Variants in G0S2 observed in about 807,000 individuals in gnomAD.
G0S2 encodes the protein G0/G1 switch 2, also known as G0/G1 switch protein 2.
For synonymous variants in G0S2, 64 were observed against 66.0 expected (o/e 0.97, Z 0.15); for missense variants, 139 against 139.1 (o/e 1.00, Z 0.00).
Position 209,675,533 on chromosome 1 carries a change from C to G in G0S2, c.-49C>G, listed in dbSNP as rs978436975. ...ACTGCAGCTCGCGCTGCCTCCTGCT[C>G]GCGCCGTGCCACTAAGGTAGTCCGC... is the stretch of plus-strand genomic sequence containing the variant. On this transcript the variant is annotated 5_prime_UTR_variant, in exon 1 of 2. Coordinates refer to ENST00000367029, the MANE Select transcript of G0S2 (RefSeq NM_015714.4). This position sits in a 1 kb window ranked among gnomAD's most constrained non-coding sequence, Gnocchi z 5.4. The G allele has an allele frequency of 1.6e-6, 1 of 613,000 alleles. No individual in the cohort carries two copies. The highest frequency in any genetic ancestry group is 2.9e-6 in the Non-Finnish European group (1 of 345,026). The allele number at this position is 613,000 out of a possible 1,614,324, so 38.0% of individuals were successfully genotyped here.
Position 209,675,679 on chromosome 1 carries a change from G to A in G0S2, c.-6G>A, listed in dbSNP as rs1411814177. 1.3e-6 allele frequency: 2 copies of A among 1,578,842 alleles called. No individual in the cohort carries two copies. The highest frequency in any genetic ancestry group is 1.7e-4 in the Middle Eastern group (1 of 6,056). On this transcript the variant is annotated 5_prime_UTR_variant, in exon 2 of 2. Transcript: ENST00000367029. This position sits in a 1 kb window ranked among gnomAD's most constrained non-coding sequence, Gnocchi z 5.4. Reference sequence around the variant, plus strand: ...TCATTCCCGCCTCCGAGAGCCCAGAGCCGAGATGGAAACGGTCCAGGAGCT... The same window carrying A: ...TCATTCCCGCCTCCGAGAGCCCAGAACCGAGATGGAAACGGTCCAGGAGCT...
Position 209,675,473 on chromosome 1 carries a change from G to A in G0S2, c.-109G>A, listed in dbSNP as rs566701786. ...CTGCCGAGAGGAGGAGAACGCTGAG[G>A]TCGGTCGGACCAACGGACGCGCTGA... On this transcript the variant is annotated 5_prime_UTR_variant, in exon 1 of 2. Transcript: ENST00000367029. The surrounding 1 kb of genome is among the most constrained non-coding windows in gnomAD (Gnocchi z 5.4). The A allele has an allele frequency of 8.1e-4, 467 of 579,738 alleles. No homozygotes were observed. Among genetic ancestry groups the A allele is most frequent in the Non-Finnish European group, 1.2e-3 (407 of 325,688 alleles). 35.9% of individuals were successfully genotyped at this position (579,738 alleles called of 1,614,324 possible).
chr1:209,675,430 C>T lies in G0S2; in HGVS notation c.-152C>T. ...AAAGCGGTGCCAGCGGCGGAGTCTC[C>T]AACTGGGAGAGCTGCAGCTGCCGAG... is the stretch of plus-strand genomic sequence containing the variant. On this transcript the variant is annotated 5_prime_UTR_variant, in exon 1 of 2. Coordinates refer to ENST00000367029, the MANE Select transcript of G0S2 (RefSeq NM_015714.4). The surrounding 1 kb of genome is among the most constrained non-coding windows in gnomAD (Gnocchi z 5.4). 1.8e-6 allele frequency: 1 copy of T among 549,386 alleles called. No homozygotes were observed. Among genetic ancestry groups the T allele is most frequent in the Non-Finnish European group, 3.2e-6 (1 of 310,770 alleles). 34.0% of individuals were successfully genotyped at this position (549,386 alleles called of 1,614,324 possible). A position where few individuals can be genotyped will look rare whatever the true frequency, so the allele number is the denominator to read the frequency against.
At position 209,676,148 on chromosome 1, in the gene G0S2, T is replaced by G; in HGVS notation, c.*152T>G. On this transcript the variant is annotated 3_prime_UTR_variant, in exon 2 of 2. Coordinates refer to ENST00000367029, the MANE Select transcript of G0S2 (RefSeq NM_015714.4). ...TGCTGTTTTTTATTTGGACTTAACTTCAGAGAAACCGCTGACATCTAGAAC... is the reference window on the plus strand; with the variant it reads ...TGCTGTTTTTTATTTGGACTTAACTGCAGAGAAACCGCTGACATCTAGAAC... 1 of 600,908 alleles carries G rather than the reference T, an allele frequency of 1.7e-6. No individual in the cohort carries two copies. Among genetic ancestry groups the G allele is most frequent in the Non-Finnish European group, 2.9e-6 (1 of 344,004 alleles). 37.2% of individuals were successfully genotyped at this position (600,908 alleles called of 1,614,324 possible).
rs1210276356 is a variant in G0S2, at chr1:209,675,493, C to T, written c.-89C>T. ...CTGAGGTCGGTCGGACCAACGGACG[C>T]GCTGACCGCTGCCAACTGCAGCTCG... On this transcript the variant is annotated 5_prime_UTR_variant, in exon 1 of 2. Coordinates refer to ENST00000367029, the MANE Select transcript of G0S2 (RefSeq NM_015714.4). This position sits in a 1 kb window ranked among gnomAD's most constrained non-coding sequence, Gnocchi z 5.4. The T allele has an allele frequency of 8.6e-6, 5 of 584,258 alleles. 1 individual carries two copies. The South Asian group carries it at 1.0e-4, about 12-fold the overall frequency. 36.2% of individuals were successfully genotyped at this position (584,258 alleles called of 1,614,324 possible). A position where few individuals can be genotyped will look rare whatever the true frequency, so the allele number is the denominator to read the frequency against.
chr1:209,675,753 G>T lies in G0S2; in HGVS notation c.69G>T (p.Met23Ile). Residue 23 changes from methionine (M) to isoleucine (I), a missense_variant, in exon 2 of 2, where the codon ATG becomes ATT. Met to Ile is a conservative substitution (Grantham distance 10). Transcript: ENST00000367029. This position sits in a 1 kb window ranked among gnomAD's most constrained non-coding sequence, Gnocchi z 5.4. ...TGGCCCAGAAGCGCAAGGGGAAGAT[G>T]GTGAAGCTGTACGTGCTGGGCAGCG... ...EMMAQKRKGKMVKLYVLGSVL... is the reference protein window; with the variant it reads ...EMMAQKRKGKIVKLYVLGSVL... 6.2e-7 allele frequency: 1 copy of T among 1,604,656 alleles called. No individual in the cohort carries two copies. The highest frequency in any genetic ancestry group is 8.5e-7 in the Non-Finnish European group (1 of 1,175,278).
At position 209,675,963 on chromosome 1, in the gene G0S2, C is replaced by A. The variant is rs1402736888; in HGVS notation, c.279C>A (p.Gly93=). The change falls in exon 2 of 2, where the codon GGC becomes GGA. Residue 93 remains glycine (G), a synonymous_variant. Coordinates refer to ENST00000367029, the MANE Select transcript of G0S2 (RefSeq NM_015714.4). The surrounding 1 kb of genome is among the most constrained non-coding windows in gnomAD (Gnocchi z 5.4). ...KGKQQDTVLG[G]RALSNRQHAS is the part of the protein sequence containing the mutation. ...AGCAGCAGGACACGGTCCTCGGCGG[C>A]CGGGCCCTGTCCAACCGGCAGCACG... is the stretch of plus-strand genomic sequence containing the variant. The A allele has an allele frequency of 2.6e-6, 4 of 1,555,996 alleles. No homozygotes were observed. In the African/African-American group the frequency reaches 5.4e-5, roughly 21 times the overall value.
rs370237791 is a variant in G0S2, at chr1:209,675,791, T to C, written c.107T>C (p.Phe36Ser). The C allele has an allele frequency of 9.0e-5, 144 of 1,602,428 alleles. No individual in the cohort carries two copies. The highest frequency in any genetic ancestry group is 1.2e-4 in the Non-Finnish European group (139 of 1,174,556). The change falls in exon 2 of 2, where the codon TTC becomes TCC. Residue 36 changes from phenylalanine to serine, a missense_variant. Phe to Ser is a radical substitution (Grantham distance 155). Transcript: ENST00000367029. This position sits in a 1 kb window ranked among gnomAD's most constrained non-coding sequence, Gnocchi z 5.4. ...LYVLGSVLAL[F>S]GVVLGLMETV... The stretch of plus-strand genomic sequence containing the variant: ...GTGCTGGGCAGCGTGCTGGCCCTCT[T>C]CGGCGTGGTGCTCGGCCTGATGGAG...
Position 209,675,437 on chromosome 1 carries a change from G to A in G0S2, c.-145G>A, listed in dbSNP as rs759418977. Reference sequence around the variant, plus strand: ...TGCCAGCGGCGGAGTCTCCAACTGGGAGAGCTGCAGCTGCCGAGAGGAGGA... The same window carrying A: ...TGCCAGCGGCGGAGTCTCCAACTGGAAGAGCTGCAGCTGCCGAGAGGAGGA... On this transcript the variant is annotated 5_prime_UTR_variant, in exon 1 of 2. Transcript: ENST00000367029. This position sits in a 1 kb window ranked among gnomAD's most constrained non-coding sequence, Gnocchi z 5.4. 7.6e-5 allele frequency: 42 copies of A among 554,612 alleles called. No homozygotes were observed. The highest frequency in any genetic ancestry group is 1.2e-4 in the Non-Finnish European group (38 of 313,678). 34.4% of individuals were successfully genotyped at this position (554,612 alleles called of 1,614,324 possible).
At position 209,675,864 on chromosome 1, in the gene G0S2, G is replaced by C. The variant is rs750664680; in HGVS notation, c.180G>C (p.Glu60Asp). The change falls in exon 2 of 2, where the codon GAG becomes GAC. Residue 60 changes from glutamate to aspartate, a missense_variant. Glu to Asp is a conservative substitution (Grantham distance 45). Coordinates refer to ENST00000367029, the MANE Select transcript of G0S2 (RefSeq NM_015714.4). This position sits in a 1 kb window ranked among gnomAD's most constrained non-coding sequence, Gnocchi z 5.4. ...CCGCCAGACGTCTGCGGGACCAGGA[G>C]GCAGCCGTGGCGGAGCTGCAGGCCG... ...FTAARRLRDQ[E>D]AAVAELQAAL... 1.2e-6 allele frequency: 2 copies of C among 1,600,198 alleles called. No homozygotes were observed. The highest frequency in any genetic ancestry group is 2.2e-5 in the South Asian group (2 of 89,158).
At position 209,675,816 on chromosome 1, in the gene G0S2, G is replaced by C. The variant is rs1464929161; in HGVS notation, c.132G>C (p.Glu44Asp). Residue 44 changes from glutamate (E) to aspartate (D), a missense_variant, in exon 2 of 2, where the codon GAG (glutamate) becomes GAC (aspartate). Physicochemically the swap from Glu to Asp is conservative, Grantham distance 45 (BLOSUM62 2). Transcript: ENST00000367029. The surrounding 1 kb of genome is among the most constrained non-coding windows in gnomAD (Gnocchi z 5.4). ...TCGGCGTGGTGCTCGGCCTGATGGA[G>C]ACTGTGTGCAGCCCCTTCACGGCCG... ...ALFGVVLGLMETVCSPFTAAR... is the reference protein window; with the variant it reads ...ALFGVVLGLMDTVCSPFTAAR... The C allele has an allele frequency of 6.2e-7, 1 of 1,602,064 alleles. No individual in the cohort carries two copies.
rs949642013 is a variant in G0S2, at chr1:209,675,565, A to G, written c.-33+16A>G. The G allele has an allele frequency of 7.2e-6, 5 of 691,434 alleles. No individual in the cohort carries two copies. The highest frequency in any genetic ancestry group is 2.8e-5 in the Admixed American group (1 of 35,448). 42.8% of individuals were successfully genotyped at this position (691,434 alleles called of 1,614,324 possible). On this transcript the variant is annotated intron_variant, in intron 1 of 1. Coordinates refer to ENST00000367029, the MANE Select transcript of G0S2 (RefSeq NM_015714.4). This position sits in a 1 kb window ranked among gnomAD's most constrained non-coding sequence, Gnocchi z 5.4. ...TGCCACTAAGGTAGTCCGCCTTTCT[A>G]TGAGCCCTCCCCAAGATTAGCTGGG... is the stretch of plus-strand genomic sequence containing the variant.
rs1289498055 is a variant in G0S2, at chr1:209,675,907, C to T, written c.223C>T (p.Leu75Phe). 7 of 1,605,788 alleles carry T rather than the reference C, an allele frequency of 4.4e-6. No homozygotes were observed. Among genetic ancestry groups the T allele is most frequent in the Non-Finnish European group, 6.0e-6 (7 of 1,174,904 alleles). Reference sequence around the variant, plus strand: ...GCAGGCCGCCCTGGAGCGACAGGCTCTCCAGAAGCAAGCCCTGCAGGAGAA... The same window carrying T: ...GCAGGCCGCCCTGGAGCGACAGGCTTTCCAGAAGCAAGCCCTGCAGGAGAA... The part of the protein sequence containing the change: ...ELQAALERQA[L>F]QKQALQEKGK... Residue 75 changes from leucine to phenylalanine, a missense_variant, in exon 2 of 2, where the codon CTC (leucine) becomes TTC (phenylalanine). Transcript: ENST00000367029. This position sits in a 1 kb window ranked among gnomAD's most constrained non-coding sequence, Gnocchi z 5.4.
In G0S2 at chr1:209,676,033, A is replaced by C. The variant is rs771959330; in HGVS notation, c.*37A>C. On this transcript the variant is annotated 3_prime_UTR_variant, in exon 2 of 2. Coordinates refer to ENST00000367029, the MANE Select transcript of G0S2 (RefSeq NM_015714.4). ...GACCAGCGGAGTGGGAGGGAGACGC[A>C]GTAGACAGAGACAGACCGAGAGAGG... The C allele has an allele frequency of 1.4e-6, 2 of 1,453,296 alleles. No individual in the cohort carries two copies. The highest frequency in any genetic ancestry group is 1.8e-6 in the Non-Finnish European group (2 of 1,082,496). The allele number at this position is 1,453,296 out of a possible 1,614,324, so 90.0% of individuals were successfully genotyped here. A position where few individuals can be genotyped will look rare whatever the true frequency, so the allele number is the denominator to read the frequency against.
Position 209,675,472 on chromosome 1 carries a change from G to C in G0S2, c.-110G>C, listed in dbSNP as rs1038164712. The stretch of plus-strand genomic sequence containing the variant: ...GCTGCCGAGAGGAGGAGAACGCTGA[G>C]GTCGGTCGGACCAACGGACGCGCTG... On this transcript the variant is annotated 5_prime_UTR_variant, in exon 1 of 2. Transcript: ENST00000367029. The surrounding 1 kb of genome is among the most constrained non-coding windows in gnomAD (Gnocchi z 5.4). 2 of 579,940 alleles carry C rather than the reference G, an allele frequency of 3.4e-6. No individual in the cohort carries two copies. Among genetic ancestry groups the C allele is most frequent in the Non-Finnish European group, 6.1e-6 (2 of 325,852 alleles). The allele number at this position is 579,940 out of a possible 1,614,324, so 35.9% of individuals were successfully genotyped here.
Position 209,676,075 on chromosome 1 carries a change from G to C in G0S2, c.*79G>C. ...CGAGAGAGGAATGGAGAGACAGAGG[G>C]GGCGCGCGCACAGGAGCCTGACTCC... On this transcript the variant is annotated 3_prime_UTR_variant, in exon 2 of 2. Transcript: ENST00000367029. 8.7e-7 allele frequency: 1 copy of C among 1,149,468 alleles called. No homozygotes were observed. Among genetic ancestry groups the C allele is most frequent in the South Asian group, 1.6e-5 (1 of 61,566 alleles). The allele number at this position is 1,149,468 out of a possible 1,614,324, so 71.2% of individuals were successfully genotyped here. A position where few individuals can be genotyped will look rare whatever the true frequency, so the allele number is the denominator to read the frequency against.
chr1:209,675,774 C>A lies in G0S2; in HGVS notation c.90C>A (p.Gly30=). Reference sequence around the variant, plus strand: ...AGATGGTGAAGCTGTACGTGCTGGGCAGCGTGCTGGCCCTCTTCGGCGTGG... The same window carrying A: ...AGATGGTGAAGCTGTACGTGCTGGGAAGCGTGCTGGCCCTCTTCGGCGTGG... ...KGKMVKLYVL[G]SVLALFGVVL... Residue 30 remains glycine (G), a synonymous_variant, in exon 2 of 2, where the codon GGC becomes GGA. Coordinates refer to ENST00000367029, the MANE Select transcript of G0S2 (RefSeq NM_015714.4). The surrounding 1 kb of genome is among the most constrained non-coding windows in gnomAD (Gnocchi z 5.4). 1 of 1,603,908 alleles carries A rather than the reference C, an allele frequency of 6.2e-7. No individual in the cohort carries two copies. Among genetic ancestry groups the A allele is most frequent in the Non-Finnish European group, 8.5e-7 (1 of 1,175,004 alleles).
In G0S2 at chr1:209,675,810, G is replaced by A. The variant is rs1199606570; in HGVS notation, c.126G>A (p.Leu42=). 1 of 1,601,984 alleles carries A rather than the reference G, an allele frequency of 6.2e-7. No individual in the cohort carries two copies. Among genetic ancestry groups the A allele is most frequent in the Non-Finnish European group, 8.5e-7 (1 of 1,174,412 alleles). ...CCCTCTTCGGCGTGGTGCTCGGCCT[G>A]ATGGAGACTGTGTGCAGCCCCTTCA... ...VLALFGVVLG[L]METVCSPFTA... The change falls in exon 2 of 2, where the codon CTG becomes CTA. Residue 42 remains leucine, a synonymous_variant. Transcript: ENST00000367029. This position sits in a 1 kb window ranked among gnomAD's most constrained non-coding sequence, Gnocchi z 5.4.
chr1:209,675,899 G>T lies in G0S2; in HGVS notation c.215G>T (p.Arg72Leu), dbSNP rs143745964. ...AVAELQAALERQALQKQALQE... is the reference protein window; with the variant it reads ...AVAELQAALELQALQKQALQE... ...GCGGAGCTGCAGGCCGCCCTGGAGC[G>T]ACAGGCTCTCCAGAAGCAAGCCCTG... The change falls in exon 2 of 2, where the codon CGA becomes CTA. Residue 72 changes from arginine (R) to leucine (L), a missense_variant. Physicochemically the swap from Arg to Leu is moderately radical, Grantham distance 102 (BLOSUM62 -2). Coordinates refer to ENST00000367029, the MANE Select transcript of G0S2 (RefSeq NM_015714.4). This position sits in a 1 kb window ranked among gnomAD's most constrained non-coding sequence, Gnocchi z 5.4. 1.2e-6 allele frequency: 2 copies of T among 1,606,608 alleles called. No individual in the cohort carries two copies. Among genetic ancestry groups the T allele is most frequent in the Non-Finnish European group, 1.7e-6 (2 of 1,176,042 alleles).
Sources: gnomAD v4.1 joint callset for allele counts on GRCh38, gnomAD v4.1.1 for gene constraint, Gnocchi (gnomAD v3.1) non-coding constraint, MANE v1.5 for transcripts, NCBI Gene and HGNC (gene_info 2026-07-23, HGNC 2026-07-21) for gene names.